The following ADAMTS18 variants were observed in gnomAD, a reference collection of about 807,000 sequenced individuals.
ADAMTS18 encodes the protein ADAM metallopeptidase with thrombospondin type 1 motif 18, also known as A disintegrin and metalloproteinase with thrombospondin motifs 18.
ADAMTS18 carries 157 observed loss-of-function variants against 165.9 expected under a neutral mutation model. The observed-to-expected ratio is 0.95, with a 90% CI of 0.83 to 1.08. The LOEUF (loss-of-function observed/expected upper bound fraction) is 1.08. Ranked by LOEUF, ADAMTS18 falls within the 50% of genes least tolerant of loss-of-function variation. The pLI is 0.00. For missense variants in ADAMTS18, 2,040 were observed against 1,534.0 expected (o/e 1.33, Z -5.51); for synonymous variants, 782 against 578.2 (o/e 1.35, Z -5.06).
At chr16:77,338,628 T>C (rs2056348824) in intron 11 of ADAMTS18, among the ~76,000 whole-genome samples, 2 of 151,966 alleles carry the variant, frequency 1.3e-5, no homozygotes, top group Admixed American at 1.3e-4. Context: ...TGTACAAACC[T>C]TTCTTTCCGT....
chr16:77,375,312 G>T (rs1294343945), intron 3 of ADAMTS18, among the ~76,000 whole-genome samples: 1 of 152,042 alleles, frequency 6.6e-6, no homozygotes, highest in Non-Finnish European at 1.5e-5. Context: ...ATGAAAACCC[G>T]TCTTTACCAA....
chr16:77,297,567 G>T, intron 17 of ADAMTS18, 152 bp from the exon 18 acceptor site: 1 of 704,680 alleles, frequency 1.4e-6, no homozygotes, highest in Non-Finnish European at 2.4e-6. Context: ...GATGAAATTT[G>T]CAACTAATTT....
chr16:77,339,313 A>G (rs2056362591), intron 11 of ADAMTS18, among the ~76,000 whole-genome samples: 1 of 152,122 alleles, frequency 6.6e-6, no homozygotes, highest in South Asian at 2.1e-4. Flanking sequence ...GTGACATTAC[A>G]CTTAAGGGCT....
intron 3 of ADAMTS18, among the ~76,000 whole-genome samples, chr16:77,370,144 G>T (rs955713390): frequency 1.3e-4 from 20 of 152,148 alleles, no homozygotes; most frequent in Non-Finnish European, 1.0e-4. Flanking sequence ...GGGAAAAGTT[G>T]AAAGAAAGCC....
At chr16:77,414,191 C>T (rs17621104) in intron 3 of ADAMTS18, among the ~76,000 whole-genome samples, 3 of 152,180 alleles carry the variant, frequency 2.0e-5, no homozygotes, top group African/African-American at 4.8e-5. Context: ...TCTGAAACTA[C>T]TGTTTGAAGG....
intron 3 of ADAMTS18, among the ~76,000 whole-genome samples, chr16:77,415,423 C>T (rs1387095492): frequency 1.3e-5 from 2 of 152,156 alleles, no homozygotes; most frequent in Admixed American, 6.5e-5. Context: ...CTGCATATCA[C>T]CACTATGATG....
chr16:77,415,926 A>G (rs2057524591), intron 3 of ADAMTS18, among the ~76,000 whole-genome samples: 1 of 152,172 alleles, frequency 6.6e-6, no homozygotes, highest in African/African-American at 2.4e-5. Flanking sequence ...TTGAGTGCCT[A>G]TTACTTGCCA....
At position 77,359,430 on chromosome 16, in the gene ADAMTS18, A is replaced by T; in HGVS notation, c.1217-7T>A. 6.2e-7 allele frequency: 1 copy of T among 1,611,636 alleles called. No homozygotes were observed. The highest frequency in any genetic ancestry group is 2.2e-5 in the East Asian group (1 of 44,854). The stretch of plus-strand genomic sequence containing the variant: ...CCACTGATGGGGGCAAACCCTATTG[A>T]AAGAGCAGTTTCAAATGTGAATCCA... On this transcript the variant is annotated splice_polypyrimidine_tract_variant and splice_region_variant and intron_variant, in intron 7 of 22. Transcript: ENST00000282849.
chr16:77,328,748 C>T (rs1462691706), intron 12 of ADAMTS18, among the ~76,000 whole-genome samples: 1 of 152,292 alleles, frequency 6.6e-6, no homozygotes, highest in Middle Eastern at 3.4e-3. Flanking sequence ...CTCATTTGGG[C>T]TCTATGTAGT....
intron 3 of ADAMTS18, among the ~76,000 whole-genome samples, chr16:77,401,923 C>G (rs897597885): frequency 7.9e-5 from 12 of 152,202 alleles, no homozygotes; most frequent in African/African-American, 2.9e-4. Flanking sequence ...CCCACATTCT[C>G]AGGCTGTCAG....
rs78462054 is a variant in ADAMTS18 at position 77,337,101 on chromosome 16, T to C, written c.1711-1197A>G. 7.9e-4 allele frequency among the ~76,000 whole-genome samples: 120 copies of C among 152,366 alleles called. 4 individuals are homozygous for C. In the East Asian group the frequency reaches 0.019, roughly 24 times the overall value. ...GCTTCCTTTCTTCAAATTCTTGCCA[T>C]GTGCTGATTAATTCTTCTGTTTTTA... On this transcript the variant is annotated intron_variant, in intron 11 of 22. Transcript: ENST00000282849.
chr16:77,429,163 T>C (rs1016649303), intron 3 of ADAMTS18, among the ~76,000 whole-genome samples: 1 of 152,134 alleles, frequency 6.6e-6, no homozygotes, highest in African/African-American at 2.4e-5. Flanking sequence ...CTATTCACCA[T>C]AGCAAGGACA....
chr16:77,350,563 C>T (rs9934016), intron 10 of ADAMTS18, among the ~76,000 whole-genome samples: 1 of 152,142 alleles, frequency 6.6e-6, no homozygotes, highest in Non-Finnish European at 1.5e-5. Flanking sequence ...TTTCCCCAAG[C>T]TTATAGGAAA....
intron 3 of ADAMTS18, among the ~76,000 whole-genome samples, chr16:77,405,555 C>A (rs1450948006): frequency 1.3e-5 from 2 of 152,142 alleles, no homozygotes; most frequent in Non-Finnish European, 2.9e-5. Flanking sequence ...AAAGTTATTC[C>A]TCTGCTTTAA....
At chr16:77,366,969 C>G (rs546308200) in intron 4 of ADAMTS18, among the ~76,000 whole-genome samples, 11 of 151,964 alleles carry the variant, frequency 7.2e-5, no homozygotes, top group Admixed American at 5.2e-4. Flanking sequence ...TATTGGACAT[C>G]GCTGGTCTGG....
intron 22 of ADAMTS18, among the ~76,000 whole-genome samples, chr16:77,287,978 G>C (rs1343483447): frequency 6.6e-6 from 1 of 152,140 alleles, no homozygotes; most frequent in Admixed American, 6.6e-5. Context: ...GGTATATAAG[G>C]TGCTTGGTGA....
chr16:77,376,511 C>T (rs274523), intron 3 of ADAMTS18, among the ~76,000 whole-genome samples: 51,250 of 152,076 alleles, frequency 0.34, 9,821 homozygotes, highest in Non-Finnish European at 0.44. Context: ...ACCCCTTCCC[C>T]TCAAGAGACA....
intron 10 of ADAMTS18, among the ~76,000 whole-genome samples, chr16:77,350,034 C>G (rs1597155067): frequency 6.6e-6 from 1 of 152,158 alleles, no homozygotes; most frequent in African/African-American, 2.4e-5. Context: ...ATAACCAGCA[C>G]AGAAGTCTCG....
At chr16:77,349,172 G>C (rs2056519226) in intron 10 of ADAMTS18, among the ~76,000 whole-genome samples, 1 of 152,122 alleles carries the variant, frequency 6.6e-6, no homozygotes, top group Non-Finnish European at 1.5e-5. Flanking sequence ...AAGTGTGAAA[G>C]GAAGTTAAAT....
Sources: allele counts gnomAD v4.1 joint callset (sites outside exome capture counted in the v4.1 genomes callset), GRCh38; gene constraint gnomAD v4.1.1; transcripts MANE v1.5; gene names NCBI Gene and HGNC (gene_info 2026-07-23, HGNC 2026-07-21).